Variants in HNF4G observed in about 807,000 individuals in gnomAD.
HNF4G encodes hepatocyte nuclear factor 4-gamma.
HNF4G carries 21 observed loss-of-function variants against 50.9 expected under a neutral mutation model. That is an observed-to-expected ratio of 0.41 (90% CI 0.29 to 0.59). HNF4G has a LOEUF of 0.59. Among genes scored for constraint, HNF4G ranks in the 20% least tolerant of loss-of-function variants. The pLI is 0.26. For synonymous variants in HNF4G, 198 were observed against 185.6 expected (o/e 1.07, Z -0.54); for missense variants, 527 against 559.4 (o/e 0.94, Z 0.58).
intron 2 of HNF4G, among the ~76,000 whole-genome samples, chr8:75,497,726 G>T (rs1196657132): frequency 6.6e-6 from 1 of 151,624 alleles, no homozygotes; most frequent in Non-Finnish European, 1.5e-5. Flanking sequence ...GTTTCATGTA[G>T]CTGCTGAAGA....
chr8:75,543,556 G>A (rs1464162128), intron 1 of HNF4G, among the ~76,000 whole-genome samples: 1 of 152,134 alleles, frequency 6.6e-6, no homozygotes, highest in Admixed American at 6.5e-5. Context: ...TTATTGTCAT[G>A]GAACTGATAA....
intron 1 of HNF4G, among the ~76,000 whole-genome samples, chr8:75,483,711 G>T (rs776325770): frequency 9.9e-5 from 15 of 152,138 alleles, no homozygotes; most frequent in Non-Finnish European, 1.8e-4. Context: ...AAAACTGAGA[G>T]AAATTATTCA....
chr8:75,423,964 C>T (rs975665286), intron 1 of HNF4G, among the ~76,000 whole-genome samples: 1 of 151,460 alleles, frequency 6.6e-6, no homozygotes, highest in East Asian at 2.0e-4. Context: ...GCTGGGACTA[C>T]AAGTATGCAT....
At chr8:75,553,306 C>A in intron 5 of HNF4G, 109 bp downstream of exon 5, 2 of 869,508 alleles carry the variant, frequency 2.3e-6, no homozygotes, top group Non-Finnish European at 3.5e-6. Flanking sequence ...CTGTATTTGG[C>A]AAAAGATAAA....
At chr8:75,503,061 A>G (rs1464566422) in intron 2 of HNF4G, among the ~76,000 whole-genome samples, 4 of 152,198 alleles carry the variant, frequency 2.6e-5, no homozygotes, top group Non-Finnish European at 5.9e-5. Flanking sequence ...ATTATTAGGA[A>G]GGGCAGCAGG....
intron 9 of HNF4G, among the ~76,000 whole-genome samples, chr8:75,563,349 T>C (rs1807368697): frequency 6.6e-6 from 1 of 152,072 alleles, no homozygotes; most frequent in South Asian, 2.1e-4. Context: ...TCAGTTACTT[T>C]ATATTCAATT....
chr8:75,534,863 A>G (rs1006163531), intron 2 of HNF4G, among the ~76,000 whole-genome samples: 1 of 151,834 alleles, frequency 6.6e-6, no homozygotes, highest in Non-Finnish European at 1.5e-5. Context: ...GCAAAGCTGT[A>G]TTATTATAAT....
intron 1 of HNF4G, among the ~76,000 whole-genome samples, chr8:75,541,857 T>G (rs1015757926): frequency 1.3e-5 from 2 of 152,132 alleles, no homozygotes; most frequent in Admixed American, 1.3e-4. Flanking sequence ...GGCATAATCC[T>G]AAAAGCTGGA....
At chr8:75,445,128 C>A in intron 1 of HNF4G, among the ~76,000 whole-genome samples, 1 of 139,822 alleles carries the variant, frequency 7.2e-6, no homozygotes. Flanking sequence ...AAGAATCTCA[C>A]TCAAAGCGGC....
chr8:75,450,930 C>T (rs565698820), intron 1 of HNF4G, among the ~76,000 whole-genome samples: 6 of 152,272 alleles, frequency 3.9e-5, no homozygotes, highest in Admixed American at 6.5e-5. Flanking sequence ...TTCCACCCTC[C>T]GCCATGGGAT....
intron 1 of HNF4G, among the ~76,000 whole-genome samples, chr8:75,486,706 A>C (rs1468523328): frequency 6.6e-6 from 1 of 152,200 alleles, no homozygotes; most frequent in Non-Finnish European, 1.5e-5. Context: ...TCTAAAAGTG[A>C]ATTTAAAAAC....
At chr8:75,488,997 C>G (rs987919274) in intron 1 of HNF4G, among the ~76,000 whole-genome samples, 1 of 152,116 alleles carries the variant, frequency 6.6e-6, no homozygotes, top group Non-Finnish European at 1.5e-5. Context: ...TTAGGCTCAC[C>G]GCTCACTTTG....
At chr8:75,514,354 C>CTTTTTTTTTTTTTTTTTTT (rs36078375) in intron 2 of HNF4G, among the ~76,000 whole-genome samples, 1 of 125,036 alleles carries the variant, frequency 8.0e-6, no homozygotes, top group African/African-American at 3.1e-5. Context: ...TTTCTTCTTT[C>CTTTTTTTTTTTTTTTTTTT]TTTTTTTTTT....
At chr8:75,527,396 A>C (rs779103266) in intron 2 of HNF4G, among the ~76,000 whole-genome samples, 57 of 152,202 alleles carry the variant, frequency 3.7e-4, no homozygotes, top group African/African-American at 1.3e-3. Flanking sequence ...AAAATGTGTG[A>C]GTAAAGGCTC....
intron 1 of HNF4G, among the ~76,000 whole-genome samples, chr8:75,447,720 A>C (rs1166559420): frequency 6.6e-6 from 1 of 151,196 alleles, no homozygotes; most frequent in African/African-American, 2.4e-5. Flanking sequence ...ATGCAAATCA[A>C]AACCACTATG....
At chr8:75,529,857 A>G (rs1243282862) in intron 2 of HNF4G, among the ~76,000 whole-genome samples, 12 of 152,244 alleles carry the variant, frequency 7.9e-5, no homozygotes, top group African/African-American at 2.9e-4. Context: ...AATTTTTAAA[A>G]ATATTTAATT....
intron 1 of HNF4G, among the ~76,000 whole-genome samples, chr8:75,457,172 C>A (rs143174425): frequency 7.9e-4 from 120 of 152,302 alleles, no homozygotes; most frequent in Non-Finnish European, 1.6e-3. Flanking sequence ...TCCTCAGGCT[C>A]TTTATTATAG....
intron 1 of HNF4G, among the ~76,000 whole-genome samples, chr8:75,467,842 A>C (rs2130624257): frequency 6.6e-6 from 1 of 152,248 alleles, no homozygotes; most frequent in South Asian, 2.1e-4. Flanking sequence ...AACAGAATCC[A>C]GAGTCCTAAT....
At chr8:75,448,198 C>T (rs1811473668) in intron 1 of HNF4G, among the ~76,000 whole-genome samples, 2 of 137,678 alleles carry the variant, frequency 1.5e-5, no homozygotes, top group Non-Finnish European at 1.5e-5. Flanking sequence ...AAACCAAACA[C>T]CGTATATTCT....
Sources: gnomAD v4.1 joint callset for allele counts (sites outside exome capture counted in the v4.1 genomes callset) on GRCh38, gnomAD v4.1.1 for gene constraint, MANE v1.5 for transcripts, NCBI Gene and HGNC (gene_info 2026-07-23, HGNC 2026-07-21) for gene names.